ABCB1: variants seen among roughly 807,000 people sequenced by gnomAD.
ABCB1 encodes ATP-dependent translocase ABCB1.
In ABCB1, 69 loss-of-function variants were observed where a neutral mutation model predicts 142.0. The observed-to-expected ratio is 0.49, with a 90% CI of 0.40 to 0.59. The LOEUF (loss-of-function observed/expected upper bound fraction) is 0.59, where lower values mean the gene tolerates loss of function less well. ABCB1 is among the 20% of genes least tolerant of loss of function. The pLI is 0.00. For synonymous variants in ABCB1, 532 were observed against 539.2 expected (o/e 0.99, Z 0.18); for missense variants, 1,326 against 1,554.7 (o/e 0.85, Z 2.47).
chr7:87,577,080 C>T (rs1295355753), intron 4 of ABCB1, among the ~76,000 whole-genome samples: 1 of 152,158 alleles, frequency 6.6e-6, no homozygotes, highest in African/African-American at 2.4e-5. Context: ...CACTACACTT[C>T]CCGGCCTCTG....
At chr7:87,628,469 T>TCG (rs939084420) in intron 1 of ABCB1, 9 of 182,592 alleles carry the variant, frequency 4.9e-5, no homozygotes, top group African/African-American at 1.2e-4. Context: ...GCCGACGGGC[T>TCG]CGCGCGCGCG....
intron 4 of ABCB1, among the ~76,000 whole-genome samples, chr7:87,584,951 A>ACCCC: frequency 6.7e-6 from 1 of 148,932 alleles, no homozygotes; most frequent in African/African-American, 2.5e-5. Flanking sequence ...ATCCTAAAAT[A>ACCCC]CCCCCCCACA....
chr7:87,599,841 T>G lies in ABCB1; in HGVS notation c.68+276A>C, dbSNP rs564178959. Among the ~76,000 whole-genome samples, 11 of 152,292 alleles carry G rather than the reference T, an allele frequency of 7.2e-5. No homozygotes were observed. The South Asian group carries it at 1.7e-3, about 23-fold the overall frequency. On this transcript the variant is annotated intron_variant, in intron 2 of 27. Coordinates refer to ENST00000622132, the MANE Select transcript of ABCB1 (RefSeq NM_001348946.2). ...TTGATCATTACACATTCCGGGCATGTAAAAAACGCTTCCATGTACCCCATT... is the reference window on the plus strand; with the variant it reads ...TTGATCATTACACATTCCGGGCATGGAAAAAACGCTTCCATGTACCCCATT...
intron 3 of ABCB1, among the ~76,000 whole-genome samples, chr7:87,587,744 A>G (rs112174094): frequency 0.067 from 10,204 of 151,894 alleles, 381 homozygotes; most frequent in Middle Eastern, 0.11. Context: ...ATGTGGTGGC[A>G]GGCGCCTGTA....
At chr7:87,687,709 A>T (rs1033624232) in intron 1 of ABCB1, among the ~76,000 whole-genome samples, 2 of 152,294 alleles carry the variant, frequency 1.3e-5, no homozygotes, top group African/African-American at 4.8e-5. Flanking sequence ...AAAACGAGTT[A>T]GAACTCCTGT....
chr7:87,505,318 C>G (rs1361299111), intron 27 of ABCB1, among the ~76,000 whole-genome samples: 1 of 152,076 alleles, frequency 6.6e-6, no homozygotes, highest in Admixed American at 6.6e-5. Context: ...AGTTCACTGA[C>G]TCATTTAAAA....
Position 87,566,852 on chromosome 7 carries a change from T to G in ABCB1, c.463A>C (p.Ile155Leu). 6.2e-7 allele frequency: 1 copy of G among 1,614,156 alleles called. No individual in the cohort carries two copies. The highest frequency in any genetic ancestry group is 8.5e-7 in the Non-Finnish European group (1 of 1,180,034). ...AACCAGCCTATCTCCTGTCGCATTA[T>G]AGCATGAAAAAACTGTTTTCTAATT... is the stretch of plus-strand genomic sequence containing the variant. ...HKIRKQFFHA[I>L]MRQEIGWFDV... Residue 155 changes from isoleucine (I) to leucine (L), a missense_variant, in exon 6 of 28, where the codon ATA becomes CTA. Physicochemically the swap from Ile to Leu is conservative, Grantham distance 5 (BLOSUM62 2). Coordinates refer to ENST00000622132, the MANE Select transcript of ABCB1 (RefSeq NM_001348946.2).
intron 8 of ABCB1, among the ~76,000 whole-genome samples, chr7:87,555,681 A>T (rs1416565862): frequency 6.6e-6 from 1 of 152,194 alleles, no homozygotes; most frequent in African/African-American, 2.4e-5. Context: ...TCATCTGAAC[A>T]GAAAAATTAT....
At chr7:87,632,178 T>A (rs1821290730) in intron 1 of ABCB1, among the ~76,000 whole-genome samples, 1 of 152,182 alleles carries the variant, frequency 6.6e-6, no homozygotes, top group Admixed American at 6.5e-5. Flanking sequence ...ACAGTAATGT[T>A]TTTCCTTACC....
chr7:87,577,428 C>G (rs1429098094), intron 4 of ABCB1, among the ~76,000 whole-genome samples: 2 of 152,138 alleles, frequency 1.3e-5, no homozygotes, highest in Non-Finnish European at 2.9e-5. Flanking sequence ...ATTTCCCCAG[C>G]AGAGGGATAA....
Position 87,685,593 on chromosome 7 carries a change from G to A in ABCB1, c.-331+27568C>T, listed in dbSNP as rs139741590. On this transcript the variant is annotated intron_variant, in intron 1 of 28. Transcript: ENST00000265724. The stretch of plus-strand genomic sequence containing the variant: ...AAAGAAGCAAAACCCTAAAGATTAC[G>A]TATGATTCCATTTATATGACATTCT... 3.1e-3 allele frequency among the ~76,000 whole-genome samples: 466 copies of A among 152,230 alleles called. 2 individuals are homozygous for A. The highest frequency in any genetic ancestry group is 0.011 in the African/African-American group (443 of 41,564).
At chr7:87,548,966 CTCT>C (rs1298414468) in intron 14 of ABCB1, among the ~76,000 whole-genome samples, 1 of 152,104 alleles carries the variant, frequency 6.6e-6, no homozygotes, top group East Asian at 1.9e-4. Context: ...TTGTATTTTT[CTCT>C]TCTTGGCAAT....
At chr7:87,514,621 C>T (rs552407356) in intron 25 of ABCB1, among the ~76,000 whole-genome samples, 1 of 152,306 alleles carries the variant, frequency 6.6e-6, no homozygotes, top group East Asian at 1.9e-4. Context: ...CTCTGCCTCC[C>T]CACTCAAGTG....
chr7:87,622,173 AG>A (rs907848352), intron 1 of ABCB1, among the ~76,000 whole-genome samples: 1 of 152,198 alleles, frequency 6.6e-6, no homozygotes, highest in African/African-American at 2.4e-5. Context: ...CTCACACCAT[AG>A]GTAAGGCAAA....
intron 1 of ABCB1, among the ~76,000 whole-genome samples, chr7:87,618,709 T>C (rs569123838): frequency 6.6e-6 from 1 of 152,330 alleles, no homozygotes; most frequent in East Asian, 1.9e-4. Context: ...AGGTTACTAA[T>C]CAGTTGACCT....
chr7:87,563,144 G>T (rs1056637438), intron 7 of ABCB1, among the ~76,000 whole-genome samples: 7 of 152,082 alleles, frequency 4.6e-5, no homozygotes, highest in Admixed American at 3.3e-4. Context: ...GACCAATAAA[G>T]AGTTCTGAAA....
Position 87,519,363 on chromosome 7 carries a change from C to T in ABCB1, c.2890G>A (p.Val964Met), listed in dbSNP as rs1457360738. ...TCAAAGCTCATGAGTTTATGTGCCA[C>T]CAAGTAGGCTCCAAACCGGAAACAT... ...AGCFRFGAYL[V>M]AHKLMSFEDV... Residue 964 changes from valine to methionine, a missense_variant, in exon 23 of 28, where the codon GTG becomes ATG. By Grantham distance (21) the Val-to-Met change is conservative (BLOSUM62 1). Coordinates refer to ENST00000622132, the MANE Select transcript of ABCB1 (RefSeq NM_001348946.2). 2 of 1,613,984 alleles carry T rather than the reference C, an allele frequency of 1.2e-6. No individual in the cohort carries two copies. The highest frequency in any genetic ancestry group is 1.3e-5 in the African/African-American group (1 of 74,900).
chr7:87,568,616 T>C (rs961492286), intron 5 of ABCB1, among the ~76,000 whole-genome samples: 2 of 152,196 alleles, frequency 1.3e-5, no homozygotes, highest in African/African-American at 4.8e-5. Context: ...GTCTCTGACA[T>C]TGCTGTTCAC....
chr7:87,697,263 A>G (rs1350155658), intron 1 of ABCB1, among the ~76,000 whole-genome samples: 1 of 152,072 alleles, frequency 6.6e-6, no homozygotes. Context: ...TCCCTTGCCT[A>G]TTTCTCTGAC....
Sources: allele counts gnomAD v4.1 joint callset (sites outside exome capture counted in the v4.1 genomes callset), GRCh38; gene constraint gnomAD v4.1.1; transcripts MANE v1.5; gene names NCBI Gene and HGNC (gene_info 2026-07-23, HGNC 2026-07-21).